The following GRIA1 variants were observed in gnomAD, a reference collection of about 807,000 sequenced individuals.
GRIA1 encodes glutamate receptor 1.
A neutral mutation model predicts 99.2 loss-of-function variants in GRIA1; 31 were observed. That is an observed-to-expected ratio of 0.31 (90% CI 0.23 to 0.42). GRIA1 has a LOEUF of 0.42. GRIA1 is among the 10% of genes least tolerant of loss of function. The probability of loss-of-function intolerance (pLI) is 1.00; values close to 1 mark genes in which losing one functional copy is unlikely to be tolerated. For missense variants in GRIA1, 782 were observed against 1,157.5 expected (o/e 0.68, Z 4.71); for synonymous variants, 438 against 432.4 (o/e 1.01, Z -0.16).
chr5:153,664,175 C>A (rs1182661303), intron 5 of GRIA1, among the ~76,000 whole-genome samples: 2 of 152,114 alleles, frequency 1.3e-5, no homozygotes, highest in Non-Finnish European at 2.9e-5. Flanking sequence ...GGAAATGGAG[C>A]TCCAGGAGAC....
At chr5:153,752,477 C>A (rs1326905658) in intron 11 of GRIA1, among the ~76,000 whole-genome samples, 1 of 152,146 alleles carries the variant, frequency 6.6e-6, no homozygotes, top group Non-Finnish European at 1.5e-5. Flanking sequence ...ATGATGATGG[C>A]TTAACAGAGT....
chr5:153,710,380 A>G (rs4333368), intron 11 of GRIA1, among the ~76,000 whole-genome samples: 107,649 of 151,890 alleles, frequency 0.71, 38,616 homozygotes, highest in East Asian at 0.96. Context: ...AAGCCTCCAC[A>G]CCCAGCTAAT....
intron 15 of GRIA1, 94 bp from the exon 16 acceptor site, chr5:153,810,929 CAG>C: frequency 1.2e-6 from 1 of 850,968 alleles, no homozygotes; most frequent in Non-Finnish European, 2.0e-6. Context: ...GATGGGAAAG[CAG>C]AGTTGGATTT....
At chr5:153,513,481 G>T (rs1209097541) in intron 2 of GRIA1, among the ~76,000 whole-genome samples, 1 of 152,170 alleles carries the variant, frequency 6.6e-6, no homozygotes, top group African/African-American at 2.4e-5. Flanking sequence ...TCAGGAAAAA[G>T]GCTTGATTTT....
At chr5:153,627,330 C>T (rs1767726070) in intron 2 of GRIA1, among the ~76,000 whole-genome samples, 1 of 152,130 alleles carries the variant, frequency 6.6e-6, no homozygotes, top group Admixed American at 6.6e-5. Context: ...TTCAGAGTTA[C>T]TAATTAACTT....
chr5:153,504,552 C>A (rs1202525287), intron 2 of GRIA1, among the ~76,000 whole-genome samples: 1 of 152,028 alleles, frequency 6.6e-6, no homozygotes, highest in Non-Finnish European at 1.5e-5. Flanking sequence ...ATGCTAAAGT[C>A]AGAAGAGCCA....
intron 11 of GRIA1, among the ~76,000 whole-genome samples, chr5:153,744,548 C>T (rs923102538): frequency 9.2e-5 from 14 of 152,312 alleles, no homozygotes; most frequent in African/African-American, 2.6e-4. Context: ...CAGAGGAAAG[C>T]GTTACAAATT....
intron 2 of GRIA1, among the ~76,000 whole-genome samples, chr5:153,577,275 A>G (rs949960882): frequency 3.3e-5 from 5 of 152,132 alleles, no homozygotes; most frequent in Non-Finnish European, 5.9e-5. Context: ...CTCTCCCTCT[A>G]TGGTAACTCC....
intron 2 of GRIA1, among the ~76,000 whole-genome samples, chr5:153,553,976 G>C (rs1760386768): frequency 6.6e-6 from 1 of 152,100 alleles, no homozygotes; most frequent in Non-Finnish European, 1.5e-5. Flanking sequence ...TTAGAAAACA[G>C]GTCCTTACCC....
intron 2 of GRIA1, among the ~76,000 whole-genome samples, chr5:153,531,779 A>C (rs1252735892): frequency 2.0e-5 from 3 of 152,212 alleles, no homozygotes; most frequent in African/African-American, 7.2e-5. Flanking sequence ...TGTATTAAAC[A>C]GTCAATATAT....
intron 15 of GRIA1, among the ~76,000 whole-genome samples, chr5:153,803,261 A>G (rs1319684029): frequency 6.6e-6 from 1 of 152,356 alleles, no homozygotes; most frequent in Non-Finnish European, 1.5e-5. Context: ...CTGAAGGTAT[A>G]CAAGTAGAGG....
intron 2 of GRIA1, among the ~76,000 whole-genome samples, chr5:153,588,854 T>C (rs1456841221): frequency 6.6e-6 from 1 of 152,184 alleles, no homozygotes; most frequent in Non-Finnish European, 1.5e-5. Context: ...GTATAACCCT[T>C]TGGTCACCAG....
Position 153,708,266 on chromosome 5 carries a change from T to C in GRIA1, c.1823+2199T>C, listed in dbSNP as rs1759059914. Among the ~76,000 whole-genome samples, 5 of 152,268 alleles carry C rather than the reference T, an allele frequency of 3.3e-5. No homozygotes were observed. In the South Asian group the frequency reaches 8.3e-4, roughly 25 times the overall value. On this transcript the variant is annotated intron_variant, in intron 11 of 15. Transcript: ENST00000285900. Reference sequence around the variant, plus strand: ...CTTCCCTCTTGAACAGGTCCGCGCATTCACGGTTCACCCCAGCCCCAACCT... The same window carrying C: ...CTTCCCTCTTGAACAGGTCCGCGCACTCACGGTTCACCCCAGCCCCAACCT...
intron 13 of GRIA1, among the ~76,000 whole-genome samples, chr5:153,780,087 T>C (rs1271723538): frequency 6.6e-6 from 1 of 152,244 alleles, no homozygotes; most frequent in East Asian, 1.9e-4. Flanking sequence ...TGCATGTTGC[T>C]TTCTTTTAAG....
intron 11 of GRIA1, among the ~76,000 whole-genome samples, chr5:153,719,677 A>G (rs1369619567): frequency 6.6e-6 from 1 of 152,114 alleles, no homozygotes; most frequent in Non-Finnish European, 1.5e-5. Context: ...TGCCATTGTC[A>G]CAACCCCAAC....
intron 13 of GRIA1, among the ~76,000 whole-genome samples, chr5:153,776,751 T>A (rs578049330): frequency 6.7e-4 from 102 of 152,306 alleles, no homozygotes; most frequent in South Asian, 1.9e-3. Context: ...GGAGGGTGGT[T>A]AAGGCTATGA....
intron 11 of GRIA1, among the ~76,000 whole-genome samples, chr5:153,751,107 G>C (rs1466856118): frequency 6.6e-6 from 1 of 152,142 alleles, no homozygotes; most frequent in African/African-American, 2.4e-5. Context: ...TCAAAAAAAA[G>C]AGAAGGAGAA....
chr5:153,579,987 C>T, intron 2 of GRIA1, among the ~76,000 whole-genome samples: 1 of 152,204 alleles, frequency 6.6e-6, no homozygotes, highest in Non-Finnish European at 1.5e-5. Context: ...TCCATGTAGC[C>T]TAGCCCTCTT....
At chr5:153,661,303 T>C (rs1485732342) in intron 5 of GRIA1, among the ~76,000 whole-genome samples, 1 of 152,214 alleles carries the variant, frequency 6.6e-6, no homozygotes, top group African/African-American at 2.4e-5. Flanking sequence ...ATTCTGACTT[T>C]TATACTTATT....
Sources: allele counts gnomAD v4.1 joint callset (sites outside exome capture counted in the v4.1 genomes callset), GRCh38; gene constraint gnomAD v4.1.1; transcripts MANE v1.5; gene names NCBI Gene and HGNC (gene_info 2026-07-23, HGNC 2026-07-21).